The following SLC41A3 variants were observed in gnomAD, a reference collection of about 807,000 sequenced individuals.
SLC41A3 encodes SLC41A1-like 2.
In SLC41A3, 44 loss-of-function variants were observed where a neutral mutation model predicts 45.4. That is an observed-to-expected ratio of 0.97 (90% CI 0.76 to 1.25). The LOEUF is 1.25. SLC41A3 is among the 50% of genes most tolerant of loss of function. The pLI, the probability that SLC41A3 is intolerant of heterozygous loss-of-function variation, is 0.00. For synonymous variants in SLC41A3, 256 were observed against 252.4 expected (o/e 1.01, Z -0.13); for missense variants, 550 against 600.6 (o/e 0.92, Z 0.88).
At chr3:126,091,545 G>A (rs895286626) in intron 1 of SLC41A3, among the ~76,000 whole-genome samples, 2 of 152,196 alleles carry the variant, frequency 1.3e-5, no homozygotes, top group Non-Finnish European at 2.9e-5. Flanking sequence ...GAGTGTCTAG[G>A]TTGAAATAGG....
chr3:126,020,899 T>G (rs1466027012), intron 6 of SLC41A3, among the ~76,000 whole-genome samples: 1 of 151,894 alleles, frequency 6.6e-6, no homozygotes, highest in Non-Finnish European at 1.5e-5. Flanking sequence ...TAGAGTTTTT[T>G]TTTTTCTTTT....
At chr3:126,076,561 C>A (rs1002768511) in intron 1 of SLC41A3, among the ~76,000 whole-genome samples, 1 of 152,020 alleles carries the variant, frequency 6.6e-6, no homozygotes, top group Non-Finnish European at 1.5e-5. Context: ...CTTTATATCA[C>A]AATAAAAAAA....
intron 2 of SLC41A3, among the ~76,000 whole-genome samples, chr3:126,063,560 C>G (rs988459921): frequency 8.5e-5 from 13 of 152,240 alleles, no homozygotes; most frequent in Non-Finnish European, 2.9e-5. Context: ...GGCACAGGCT[C>G]TTGGCCCAGA....
chr3:126,068,785 G>A (rs115261185), intron 1 of SLC41A3, among the ~76,000 whole-genome samples: 1 of 152,146 alleles, frequency 6.6e-6, no homozygotes, highest in African/African-American at 2.4e-5. Context: ...GGCATGACAA[G>A]GCTGGAGTTC....
At position 126,022,786 on chromosome 3, in the gene SLC41A3, C is replaced by T. The variant is rs747859357; in HGVS notation, c.745G>A (p.Asp249Asn). 3.7e-6 allele frequency: 6 copies of T among 1,614,172 alleles called. No individual in the cohort carries two copies. Among genetic ancestry groups the T allele is most frequent in the Non-Finnish European group, 3.4e-6 (4 of 1,180,028 alleles). Residue 249 changes from aspartate (D) to asparagine (N), a missense_variant and splice_region_variant, in exon 6 of 11, where the codon GAT (aspartate) becomes AAT (asparagine). Transcript: ENST00000360370. Reference sequence around the variant, plus strand: ...GTCTATAGAAGAAGACACTCTTTACCTTTGTGTCTGTAGAAGAAGCTGCTA... The same window carrying T: ...GTCTATAGAAGAAGACACTCTTTACTTTTGTGTCTGTAGAAGAAGCTGCTA... ...LVSSFFYRHK[D>N]SRYLTPLVCL...
At chr3:126,052,557 G>T (rs1943401726) in intron 2 of SLC41A3, among the ~76,000 whole-genome samples, 2 of 152,124 alleles carry the variant, frequency 1.3e-5, no homozygotes, top group Admixed American at 1.3e-4. Flanking sequence ...CACCCTCAGT[G>T]CTGCAACTCT....
At chr3:126,058,924 G>A (rs1559869028) in intron 2 of SLC41A3, among the ~76,000 whole-genome samples, 1 of 152,082 alleles carries the variant, frequency 6.6e-6, no homozygotes, top group Non-Finnish European at 1.5e-5. Context: ...GGCCAGCTGA[G>A]GCACCTCCTC....
chr3:126,075,734 A>T (rs1043848409), intron 1 of SLC41A3, among the ~76,000 whole-genome samples: 2 of 152,200 alleles, frequency 1.3e-5, no homozygotes, highest in Non-Finnish European at 2.9e-5. Context: ...ATGGGGAAAG[A>T]GTAGTGTCTT....
intron 3 of SLC41A3, among the ~76,000 whole-genome samples, chr3:126,049,257 C>T (rs976672219): frequency 6.6e-6 from 1 of 152,144 alleles, no homozygotes; most frequent in African/African-American, 2.4e-5. Flanking sequence ...GAGGCTGAGG[C>T]GGGCAGATCA....
At chr3:126,014,604 T>C (rs758039025) in intron 8 of SLC41A3, among the ~76,000 whole-genome samples, 7 of 152,216 alleles carry the variant, frequency 4.6e-5, no homozygotes, top group South Asian at 4.1e-4. Context: ...TTTGGCACTG[T>C]TGGGGTGAGG....
chr3:126,063,618 G>T, intron 2 of SLC41A3, among the ~76,000 whole-genome samples: 1 of 152,194 alleles, frequency 6.6e-6, no homozygotes, highest in East Asian at 1.9e-4. Flanking sequence ...GGAATTTCCT[G>T]CCTCACTGAC....
In SLC41A3 at chr3:126,016,817, C is replaced by T. The variant is rs746736651; in HGVS notation, c.804G>A (p.Trp268Ter). The change falls in exon 7 of 11, where the codon TGG becomes TGA. Residue 268 changes from tryptophan to a stop codon, truncating the protein, a stop_gained. Coordinates refer to ENST00000360370, the MANE Select transcript of SLC41A3 (RefSeq NM_017836.4). LOFTEE classifies it high-confidence loss of function. Reference sequence around the variant, plus strand: ...GTGGGCTCTGCTTGGCAATGAGGACCCACACTGGGGTCAGAGCCGCAAAGC... The same window carrying T: ...GTGGGCTCTGCTTGGCAATGAGGACTCACACTGGGGTCAGAGCCGCAAAGC... Reference protein sequence around the residue: ...CLSFAALTPVWVLIAKQSPPI... With the variant: ...CLSFAALTPV 2 of 1,612,232 alleles carry T rather than the reference C, an allele frequency of 1.2e-6. No homozygotes were observed. Among genetic ancestry groups the T allele is most frequent in the Admixed American group, 3.4e-5 (2 of 59,684 alleles).
intron 1 of SLC41A3, among the ~76,000 whole-genome samples, chr3:126,077,478 A>T (rs1042578283): frequency 5.9e-5 from 9 of 152,154 alleles, no homozygotes; most frequent in Admixed American, 5.2e-4. Flanking sequence ...TATCCTTCCA[A>T]TGTTTACCCA....
Position 126,007,083 on chromosome 3 carries a change from G to A in SLC41A3, c.1397C>T (p.Thr466Ile). The stretch of plus-strand genomic sequence containing the variant: ...TGCCTTGCTCTTCAGTAGCCAGTCA[G>A]TGAAAAAGCAGAGTGCCAGGAGGCC... Reference protein sequence around the residue: ...GTGLLALCFFTDWLLKSKAEL... With the variant: ...GTGLLALCFFIDWLLKSKAEL... The change falls in exon 11 of 11, where the codon ACT becomes ATT. Residue 466 changes from threonine (T) to isoleucine (I), a missense_variant. Physicochemically the swap from Thr to Ile is moderately conservative, Grantham distance 89. Coordinates refer to ENST00000360370, the MANE Select transcript of SLC41A3 (RefSeq NM_017836.4). 6.2e-7 allele frequency: 1 copy of A among 1,614,222 alleles called. No individual in the cohort carries two copies. The highest frequency in any genetic ancestry group is 8.5e-7 in the Non-Finnish European group (1 of 1,180,034).
At chr3:126,095,726 C>A (rs927299663) in intron 1 of SLC41A3, among the ~76,000 whole-genome samples, 3 of 152,180 alleles carry the variant, frequency 2.0e-5, no homozygotes, top group African/African-American at 7.2e-5. Context: ...AGGAAGATTG[C>A]ATTGCAGAAC....
intron 1 of SLC41A3, among the ~76,000 whole-genome samples, chr3:126,081,276 C>T (rs1426246309): frequency 6.6e-6 from 1 of 152,196 alleles, no homozygotes; most frequent in Non-Finnish European, 1.5e-5. Context: ...ACAAACATCA[C>T]ATGGCCTCAC....
At chr3:126,064,313 G>A (rs1944239975) in intron 2 of SLC41A3, among the ~76,000 whole-genome samples, 1 of 152,028 alleles carries the variant, frequency 6.6e-6, no homozygotes, top group African/African-American at 2.4e-5. Flanking sequence ...CGAGGAGCAC[G>A]CTTCAGTTTC....
intron 1 of SLC41A3, among the ~76,000 whole-genome samples, chr3:126,072,625 C>G (rs1944678591): frequency 6.6e-6 from 1 of 152,174 alleles, no homozygotes; most frequent in African/African-American, 2.4e-5. Context: ...ATAACAGATG[C>G]TGGTGAGGTT....
chr3:126,050,446 T>C (rs1943254315), intron 3 of SLC41A3, among the ~76,000 whole-genome samples: 1 of 152,172 alleles, frequency 6.6e-6, no homozygotes, highest in Non-Finnish European at 1.5e-5. Flanking sequence ...GGAACTGTGT[T>C]GGTTCAAGAG....
Sources: allele counts gnomAD v4.1 joint callset (sites outside exome capture counted in the v4.1 genomes callset), GRCh38; gene constraint gnomAD v4.1.1; transcripts MANE v1.5; gene names NCBI Gene and HGNC (gene_info 2026-07-23, HGNC 2026-07-21).